Variants in TRRAP observed in about 807,000 individuals in gnomAD.
TRRAP encodes transformation/transcription domain associated protein.
TRRAP carries 41 observed loss-of-function variants against 438.8 expected under a neutral mutation model. The observed-to-expected ratio is 0.09, with a 90% confidence interval of 0.07 to 0.12. The LOEUF (loss-of-function observed/expected upper bound fraction) is 0.12. TRRAP is among the 10% of genes least tolerant of loss of function. The pLI, the probability that TRRAP is intolerant of heterozygous loss-of-function variation, is 1.00. For synonymous variants in TRRAP, 1,994 were observed against 1,962.9 expected, an observed-to-expected ratio of 1.02 and a Z score of -0.42; for missense variants, 3,122 against 5,055.1, an observed-to-expected ratio of 0.62 and a Z score of 11.60.
chr7:98,969,755 C>T (rs557794855), intron 51 of TRRAP, among the ~76,000 whole-genome samples: 7 of 29,646 alleles, frequency 2.4e-4, no homozygotes, highest in African/African-American at 5.4e-4. Context: ...GTGGGTGGGC[C>T]GGGGTAAAGG....
Position 98,903,381 on chromosome 7 carries a change from G to A in TRRAP, c.900G>A (p.Glu300=), listed in dbSNP as rs1796561710. 1 of 1,614,064 alleles carries A rather than the reference G, an allele frequency of 6.2e-7. No individual in the cohort carries two copies. The highest frequency in any genetic ancestry group is 1.3e-5 in the African/African-American group (1 of 74,924). ...FLAYIIRIYQ[E]LVTKYSQQMV... ...GTCATCTCACTCTGTTCTTACAGGAGTTGGTGACTAAGTATTCTCAGCAGA... is the reference window on the plus strand; with the variant it reads ...GTCATCTCACTCTGTTCTTACAGGAATTGGTGACTAAGTATTCTCAGCAGA... The change falls in exon 12 of 73, where the codon GAG becomes GAA. Residue 300 remains glutamate, a splice_region_variant and synonymous_variant. Transcript: ENST00000456197.
intron 69 of TRRAP, among the ~76,000 whole-genome samples, chr7:99,008,108 G>C (rs977363603): frequency 6.6e-6 from 1 of 152,216 alleles, no homozygotes; most frequent in Non-Finnish European, 1.5e-5. Flanking sequence ...ACAGGCGTGA[G>C]CCACTGTGTC....
Position 98,948,739 on chromosome 7 carries a change from T to A in TRRAP, c.4788+54T>A. 6.2e-7 allele frequency: 1 copy of A among 1,612,724 alleles called. No individual in the cohort carries two copies. The highest frequency in any genetic ancestry group is 8.5e-7 in the Non-Finnish European group (1 of 1,179,608). On this transcript the variant is annotated intron_variant, in intron 35 of 72. Transcript: ENST00000456197. The surrounding 1 kb of genome is among the most constrained non-coding windows in gnomAD (Gnocchi z 4.9). ...GGTCCCTTCAAATGCTTGTGAGCTG[T>A]CGTGCTCTGAAATGTTCAGTTCATA...
chr7:98,879,730 G>C (rs1795331159), intron 1 of TRRAP, among the ~76,000 whole-genome samples: 1 of 152,220 alleles, frequency 6.6e-6, no homozygotes, highest in South Asian at 2.1e-4. Flanking sequence ...CAGAGGGCTG[G>C]GGCTTCTGGT....
Position 98,976,109 on chromosome 7 carries a change from A to C in TRRAP, c.7840-40A>C. The C allele has an allele frequency of 6.2e-7, 1 of 1,610,202 alleles. No homozygotes were observed. Among genetic ancestry groups the C allele is most frequent in the Non-Finnish European group, 8.5e-7 (1 of 1,177,752 alleles). ...GAGCGTGGTTGTGCGAGGCACCCCC[A>C]GCCCGTGGCCATCTCAGCCTGTTGT... On this transcript the variant is annotated intron_variant, in intron 53 of 72. Transcript: ENST00000456197. The surrounding 1 kb of genome is among the most constrained non-coding windows in gnomAD (Gnocchi z 4.6).
rs188702757 is a variant in TRRAP at position 98,929,972 on chromosome 7, C to T, written c.3176-17C>T. On this transcript the variant is annotated splice_polypyrimidine_tract_variant and intron_variant, in intron 23 of 72. Transcript: ENST00000456197. ...GGACAAGACTGTTCTCACGTGCCTT[C>T]CCATCTCTCCTTTTAGGCCCTTTCT... 889 of 1,613,128 alleles carry T rather than the reference C, an allele frequency of 5.5e-4. 6 individuals are homozygous for T. The African/African-American group carries it at 0.011, about 20-fold the overall frequency.
intron 1 of TRRAP, 22 bp from the exon 2 acceptor site, chr7:98,881,068 A>G: frequency 8.6e-7 from 1 of 1,169,022 alleles, no homozygotes. Context: ...TAAATTGACT[A>G]ACTCTATGCT....
chr7:98,960,018 C>T (rs985851665), intron 45 of TRRAP, among the ~76,000 whole-genome samples: 30 of 151,486 alleles, frequency 2.0e-4, no homozygotes, highest in African/African-American at 7.3e-4. Flanking sequence ...CCCAACTACA[C>T]GTAGGAGTGT....
In TRRAP at chr7:98,937,158, G is replaced by T. The variant is rs1210457175; in HGVS notation, c.4114G>T (p.Ala1372Ser). The T allele has an allele frequency of 1.2e-6, 2 of 1,604,338 alleles. No homozygotes were observed. The highest frequency in any genetic ancestry group is 4.5e-5 in the East Asian group (2 of 44,534). The change falls in exon 29 of 73, where the codon GCA becomes TCA. Residue 1372 changes from alanine to serine, a missense_variant and splice_region_variant. By Grantham distance (99) the Ala-to-Ser change is moderately conservative. Transcript: ENST00000456197. ...TGTCTTGATTTCTCTCCCTGAAGAT[G>T]CACTTGCTGCCTGCAATTACCTTCC... is the stretch of plus-strand genomic sequence containing the variant. ...LVPLRIAALN[A>S]LAACNYLPQS... is the part of the protein sequence containing the mutation.
rs1050574919 is a variant in TRRAP at position 98,931,520 on chromosome 7, A to G, written c.3707A>G (p.Lys1236Arg). 7 of 1,614,160 alleles carry G rather than the reference A, an allele frequency of 4.3e-6. No homozygotes were observed. In the East Asian group the frequency reaches 1.6e-4, roughly 36 times the overall value. Residue 1236 changes from lysine to arginine, a missense_variant, in exon 26 of 73, where the codon AAG becomes AGG. By Grantham distance (26) the Lys-to-Arg change is conservative. Around this residue, in one of 24 missense-constraint regions of TRRAP, gnomAD observed 153 missense variants for 223.0 expected, o/e 0.69. Transcript: ENST00000456197. ...RAEEIVAAQEKSFHHVTHDLV... is the reference protein window; with the variant it reads ...RAEEIVAAQERSFHHVTHDLV... ...GAAGAGATCGTGGCCGCCCAGGAAA[A>G]GTCTTTCCACCATGTGACACACGAC...
rs1554402990 is a variant in TRRAP, at chr7:98,881,189, C to G, written c.39C>G (p.Asp13Glu). 1 of 1,610,686 alleles carries G rather than the reference C, an allele frequency of 6.2e-7. No homozygotes were observed. The highest frequency in any genetic ancestry group is 1.7e-5 in the Admixed American group (1 of 59,534). Reference sequence around the variant, plus strand: ...CAACACAGGGGGCCACGGTGGTTGACCAGACCACTTTGATGAAAAAGTACC... The same window carrying G: ...CAACACAGGGGGCCACGGTGGTTGAGCAGACCACTTTGATGAAAAAGTACC... ...FVATQGATVV[D>E]QTTLMKKYLQ... is the part of the protein sequence containing the mutation. The change falls in exon 2 of 73, where the codon GAC (aspartate) becomes GAG (glutamate). Residue 13 changes from aspartate to glutamate, a missense_variant. Physicochemically the swap from Asp to Glu is conservative, Grantham distance 45. This residue lies in a region of TRRAP where 343 missense variants were observed against 564.0 expected (regional missense o/e 0.61). Coordinates refer to ENST00000456197, the MANE Select transcript of TRRAP (RefSeq NM_001375524.1).
intron 21 of TRRAP, among the ~76,000 whole-genome samples, chr7:98,922,864 C>T (rs1187962230): frequency 6.6e-6 from 1 of 152,144 alleles, no homozygotes; most frequent in Non-Finnish European, 1.5e-5. Flanking sequence ...TTGTGTAGTA[C>T]TGGGTGTGTT....
At chr7:98,970,055 A>G in intron 51 of TRRAP, 57 bp from the exon 52 acceptor site, 3 of 1,583,342 alleles carry the variant, frequency 1.9e-6, no homozygotes, top group Non-Finnish European at 2.6e-6. Context: ...AGAAGTCCAG[A>G]TGCCCTGAAT....
intron 30 of TRRAP, among the ~76,000 whole-genome samples, chr7:98,938,854 T>G (rs1368232921): frequency 6.6e-6 from 1 of 152,240 alleles, no homozygotes; most frequent in East Asian, 1.9e-4. Context: ...TTTCAACACC[T>G]TGTCAAATTG....
At chr7:98,999,106 G>T (rs1012067880) in intron 67 of TRRAP, 45 of 1,476,042 alleles carry the variant, frequency 3.0e-5, no homozygotes, top group Admixed American at 7.6e-5. Flanking sequence ...GACCTGGCCA[G>T]GAGTGGCCAC....
At chr7:98,951,695 T>G (rs1315701125) in intron 39 of TRRAP, among the ~76,000 whole-genome samples, 1 of 152,224 alleles carries the variant, frequency 6.6e-6, no homozygotes, top group Admixed American at 6.5e-5. Context: ...CATTTTGTCC[T>G]GAGATCAAGG....
At chr7:99,003,072 GC>G in intron 67 of TRRAP, among the ~76,000 whole-genome samples, 1 of 152,326 alleles carries the variant, frequency 6.6e-6, no homozygotes, top group East Asian at 1.9e-4. Flanking sequence ...CAGGACGCCA[GC>G]CCTGGGGACG....
chr7:98,911,974 G>A, intron 17 of TRRAP, 48 bp from the exon 18 acceptor site: 1 of 1,549,504 alleles, frequency 6.5e-7, no homozygotes, highest in Non-Finnish European at 8.8e-7. Flanking sequence ...TCTTAAAACT[G>A]CTTTGGGGAA....
At chr7:98,888,924 C>A (rs1158902135) in intron 3 of TRRAP, among the ~76,000 whole-genome samples, 1 of 152,052 alleles carries the variant, frequency 6.6e-6, no homozygotes, top group Non-Finnish European at 1.5e-5. Context: ...ATTATTTTAT[C>A]CCTTTTGAGC....
Sources: allele counts gnomAD v4.1 joint callset (sites outside exome capture counted in the v4.1 genomes callset), GRCh38; gene constraint gnomAD v4.1.1; regional missense constraint gnomAD v4.1.1; non-coding constraint Gnocchi (gnomAD v3.1); transcripts MANE v1.5; gene names NCBI Gene and HGNC (gene_info 2026-07-23, HGNC 2026-07-21).